The following MAGI3 variants were observed in gnomAD, a reference collection of about 807,000 sequenced individuals.
MAGI3 encodes the protein membrane associated guanylate kinase, WW and PDZ domain containing 3.
Under a neutral mutation model 121.8 loss-of-function variants are expected in MAGI3, and 43 were observed. The ratio of observed to expected loss-of-function variants is 0.35; its 90% CI spans 0.28 to 0.46. The LOEUF (loss-of-function observed/expected upper bound fraction) is 0.46, where lower values mean the gene tolerates loss of function less well. MAGI3 is among the 20% of genes least tolerant of loss of function. The pLI is 1.00. For synonymous variants in MAGI3, 553 were observed against 639.3 expected (o/e 0.86, Z 2.04); for missense variants, 1,547 against 1,797.3 (o/e 0.86, Z 2.52).
At chr1:113,400,028 ATATAAAATGGG>A (rs1339152709) in intron 1 of MAGI3, among the ~76,000 whole-genome samples, 5 of 152,176 alleles carry the variant, frequency 3.3e-5, no homozygotes, top group Non-Finnish European at 5.9e-5. Flanking sequence ...ACTGACTCTT[ATATAAAATGGG>A]TATATAAGAG....
rs1167897812 is a variant in MAGI3, at chr1:113,421,914, T to G, written c.316+30565T>G. Reference sequence around the variant, plus strand: ...TGGATTTGGCTTTGCTTACTGATTGTCTGATGTGGAATTTGGTGACCTGGA... The same window carrying G: ...TGGATTTGGCTTTGCTTACTGATTGGCTGATGTGGAATTTGGTGACCTGGA... On this transcript the variant is annotated intron_variant, in intron 1 of 20. Transcript: ENST00000307546. Among the ~76,000 whole-genome samples, 10 of 152,230 alleles carry G rather than the reference T, an allele frequency of 6.6e-5. No individual in the cohort carries two copies. The East Asian group carries it at 1.9e-3, about 29-fold the overall frequency.
chr1:113,649,243 A>G lies in MAGI3; in HGVS notation c.2162A>G (p.Asn721Ser). The change falls in exon 13 of 21, where the codon AAC becomes AGC. Residue 721 changes from asparagine (N) to serine (S), a missense_variant. By Grantham distance (46) the Asn-to-Ser change is conservative (BLOSUM62 1). Transcript: ENST00000307546. Reference protein sequence around the residue: ...SKTLYEDKPPNTKDLDVFLRK... With the variant: ...SKTLYEDKPPSTKDLDVFLRK... ...ATTTTCTGATTTTCCTCAGCACCAA[A>G]CACCAAAGATTTGGATGTTTTTCTT... The G allele has an allele frequency of 6.2e-7, 1 of 1,611,710 alleles. No individual in the cohort carries two copies. Among genetic ancestry groups the G allele is most frequent in the Non-Finnish European group, 8.5e-7 (1 of 1,179,220 alleles).
chr1:113,591,425 C>G (rs926866830), intron 5 of MAGI3, among the ~76,000 whole-genome samples: 33 of 152,062 alleles, frequency 2.2e-4, no homozygotes, highest in Non-Finnish European at 4.4e-4. Context: ...ATATTTGGAT[C>G]TAGGCACTAC....
At chr1:113,453,887 C>CT (rs1297863393) in intron 1 of MAGI3, among the ~76,000 whole-genome samples, 3 of 152,260 alleles carry the variant, frequency 2.0e-5, no homozygotes, top group African/African-American at 7.2e-5. Flanking sequence ...ACTTAACCAT[C>CT]ATGCTATCTA....
At chr1:113,438,762 C>T (rs956549099) in intron 1 of MAGI3, among the ~76,000 whole-genome samples, 1 of 152,172 alleles carries the variant, frequency 6.6e-6, no homozygotes, top group African/African-American at 2.4e-5. Flanking sequence ...TTCCACCTCC[C>T]ACATTGAGGG....
Position 113,658,212 on chromosome 1 carries a change from G to A in MAGI3, c.2630-868G>A, listed in dbSNP as rs1419083031. On this transcript the variant is annotated intron_variant, in intron 15 of 20. Coordinates refer to ENST00000307546, the MANE Select transcript of MAGI3 (RefSeq NM_001142782.2). The surrounding 1 kb of genome is among the most constrained non-coding windows in gnomAD (Gnocchi z 4.0). ...CTAATACAAATGCTGCCTGTTGCAC[G>A]GTGGAAAATATTTTGTTTGACAAGA... Among the ~76,000 whole-genome samples, 4 of 152,174 alleles carry A rather than the reference G, an allele frequency of 2.6e-5. No homozygotes were observed. The highest frequency in any genetic ancestry group is 2.4e-5 in the African/African-American group (1 of 41,434).
intron 9 of MAGI3, among the ~76,000 whole-genome samples, chr1:113,640,448 C>T (rs543141498): frequency 1.3e-5 from 2 of 152,216 alleles, no homozygotes. Context: ...TATTGCAGCA[C>T]TATTTACAAT....
chr1:113,650,087 A>G (rs888096780), intron 13 of MAGI3, among the ~76,000 whole-genome samples: 1 of 152,052 alleles, frequency 6.6e-6, no homozygotes, highest in African/African-American at 2.4e-5. Context: ...GTTGGAAGTT[A>G]GGTGAAGAAC....
intron 1 of MAGI3, among the ~76,000 whole-genome samples, chr1:113,496,145 A>T (rs1656907299): frequency 6.6e-6 from 1 of 152,108 alleles, no homozygotes; most frequent in South Asian, 2.1e-4. Flanking sequence ...GCTTGTTGCT[A>T]ATGCTTTTTA....
At chr1:113,482,410 C>T (rs1656154494) in intron 1 of MAGI3, among the ~76,000 whole-genome samples, 1 of 151,938 alleles carries the variant, frequency 6.6e-6, no homozygotes, top group Non-Finnish European at 1.5e-5. Flanking sequence ...CTCAGGCTGC[C>T]ACAGCCTCAA....
At chr1:113,452,616 C>A (rs566051628) in intron 1 of MAGI3, among the ~76,000 whole-genome samples, 1 of 152,146 alleles carries the variant, frequency 6.6e-6, no homozygotes, top group East Asian at 1.9e-4. Context: ...TCTATGACAG[C>A]CTCTTAGAAG....
chr1:113,665,019 C>G (rs543685780), intron 16 of MAGI3, among the ~76,000 whole-genome samples: 8 of 152,084 alleles, frequency 5.3e-5, no homozygotes, highest in Non-Finnish European at 1.0e-4. Context: ...CACTTTTTAC[C>G]TACAGCTTAA....
At chr1:113,511,338 A>G (rs1448054810) in intron 1 of MAGI3, among the ~76,000 whole-genome samples, 1 of 152,238 alleles carries the variant, frequency 6.6e-6, no homozygotes, top group Non-Finnish European at 1.5e-5. Context: ...ACTAAGTTAA[A>G]TAGCCCAAGA....
intron 1 of MAGI3, among the ~76,000 whole-genome samples, chr1:113,505,695 G>A (rs1244634214): frequency 6.6e-6 from 1 of 152,140 alleles, no homozygotes; most frequent in Non-Finnish European, 1.5e-5. Context: ...CTTTCAGAAG[G>A]TGAATTTGAC....
intron 1 of MAGI3, among the ~76,000 whole-genome samples, chr1:113,437,843 TTCTTCTTCTTCTTCTTCTTCC>T (rs1186200046): frequency 0.03 from 2,005 of 66,084 alleles, 68 homozygotes; most frequent in African/African-American, 0.048. Context: ...CTTCTTCTTC[TTCTTCTTCTTCTTCTTCTTCC>T]TCTTCTTCTT....
intron 1 of MAGI3, among the ~76,000 whole-genome samples, chr1:113,475,678 C>G (rs948202724): frequency 1.4e-4 from 22 of 152,100 alleles, no homozygotes; most frequent in African/African-American, 5.3e-4. Flanking sequence ...GGATATTGGT[C>G]TAAAATTCTC....
chr1:113,483,765 T>C (rs1656221700), intron 1 of MAGI3, among the ~76,000 whole-genome samples: 1 of 152,220 alleles, frequency 6.6e-6, no homozygotes, highest in Non-Finnish European at 1.5e-5. Context: ...TTTCTCCAAC[T>C]TTTATTGTGA....
intron 9 of MAGI3, among the ~76,000 whole-genome samples, chr1:113,640,694 G>C (rs887944904): frequency 6.6e-6 from 1 of 151,524 alleles, no homozygotes; most frequent in Non-Finnish European, 1.5e-5. Flanking sequence ...ATGGACACAG[G>C]GCCGTGAACA....
At chr1:113,486,720 T>C (rs1656400041) in intron 1 of MAGI3, among the ~76,000 whole-genome samples, 1 of 148,202 alleles carries the variant, frequency 6.7e-6, no homozygotes, top group African/African-American at 2.5e-5. Flanking sequence ...GGCATGATCA[T>C]AGCTCACTAT....
Sources: gnomAD v4.1 joint callset for allele counts (sites outside exome capture counted in the v4.1 genomes callset) on GRCh38, gnomAD v4.1.1 for gene constraint, Gnocchi (gnomAD v3.1) non-coding constraint, MANE v1.5 for transcripts, NCBI Gene and HGNC (gene_info 2026-07-23, HGNC 2026-07-21) for gene names.